Variants in PPP1R3E observed in about 807,000 individuals in gnomAD.
PPP1R3E encodes the protein protein phosphatase 1 regulatory subunit 3E.
Under a neutral mutation model 18.5 loss-of-function variants are expected in PPP1R3E, and 20 were observed. The ratio of observed to expected loss-of-function variants is 1.08; its 90% CI spans 0.76 to 1.58. PPP1R3E has a LOEUF of 1.58. Among genes scored for constraint, PPP1R3E ranks in the 40% most tolerant of loss-of-function variants. PPP1R3E has a pLI of 0.00. For missense variants in PPP1R3E, 498 were observed against 460.2 expected, an observed-to-expected ratio of 1.08 and a Z score of -0.75; for synonymous variants, 208 against 208.1, an observed-to-expected ratio of 1.00 and a Z score of 0.00.
intron 1 of PPP1R3E, 122 bp downstream of exon 1, chr14:23,302,038 A>G: frequency 7.9e-7 from 1 of 1,265,560 alleles, no homozygotes; most frequent in East Asian, 3.0e-5. Context: ...CCCAAAAGGG[A>G]TGGGCAGGCG....
chr14:23,302,741 G>T lies in PPP1R3E; in HGVS notation c.-165C>A. 1.4e-6 allele frequency: 1 copy of T among 690,710 alleles called. No individual in the cohort carries two copies. Among genetic ancestry groups the T allele is most frequent in the Non-Finnish European group, 2.2e-6 (1 of 451,648 alleles). 42.8% of individuals were successfully genotyped at this position (690,710 alleles called of 1,614,324 possible). A position where few individuals can be genotyped will look rare whatever the true frequency, so the allele number is the denominator to read the frequency against. On this transcript the variant is annotated 5_prime_UTR_variant, in exon 1 of 5. Transcript: ENST00000452015. Reference sequence around the variant, plus strand: ...ACACCTCCAGGATCCTCCACCTCCCGTTGCTTTGCCTCTCCTCTGTGACCA... The same window carrying T: ...ACACCTCCAGGATCCTCCACCTCCCTTTGCTTTGCCTCTCCTCTGTGACCA...
rs1471100523 is a variant in PPP1R3E, at chr14:23,301,596, G to A, written c.680C>T (p.Ala227Val). ...RADRFAFRLP[A>V]PPIGGALLFA... ...GAGCAGGGCGCCCCCAATCGGCGGC[G>A]CGGGCAGGCGGAAGGCGAAGCGGTC... is the stretch of plus-strand genomic sequence containing the variant. The change falls in exon 2 of 5, where the codon GCG (alanine) becomes GTG (valine). Residue 227 changes from alanine to valine, a missense_variant. By Grantham distance (64) the Ala-to-Val change is moderately conservative. Coordinates refer to ENST00000452015, the MANE Select transcript of PPP1R3E (RefSeq NM_001276318.2). 6.9e-7 allele frequency: 1 copy of A among 1,442,608 alleles called. No homozygotes were observed. Among genetic ancestry groups the A allele is most frequent in the Non-Finnish European group, 9.1e-7 (1 of 1,099,112 alleles). The allele number at this position is 1,442,608 out of a possible 1,614,324, so 89.4% of individuals were successfully genotyped here.
At position 23,301,589 on chromosome 14, in the gene PPP1R3E, C is replaced by G. The variant is rs754862629; in HGVS notation, c.687G>C (p.Pro229=). ...AGGCGAAGAGCAGGGCGCCCCCAAT[C>G]GGCGGCGCGGGCAGGCGGAAGGCGA... ...DRFAFRLPAP[P]IGGALLFALR... Residue 229 remains proline, a synonymous_variant, in exon 2 of 5, where the codon CCG becomes CCC. Coordinates refer to ENST00000452015, the MANE Select transcript of PPP1R3E (RefSeq NM_001276318.2). The G allele has an allele frequency of 1.2e-4, 169 of 1,446,896 alleles. No individual in the cohort carries two copies. The highest frequency in any genetic ancestry group is 1.5e-4 in the Non-Finnish European group (163 of 1,101,636). The allele number at this position is 1,446,896 out of a possible 1,614,324, so 89.6% of individuals were successfully genotyped here.
At chr14:23,300,506 G>A (rs1258743351) in intron 3 of PPP1R3E, 4 of 152,168 alleles carry the variant, frequency 2.6e-5, no homozygotes, top group Non-Finnish European at 5.9e-5. Flanking sequence ...AGCTAGTCAG[G>A]GACTTCCTCT....
rs1357531916 is a variant in PPP1R3E, at chr14:23,295,789, T to A, written c.*3515A>T. ...TAATAATTTAAGCAAACTTATTAAA[T>A]TTTTCTGGACACACACACACAAAAA... is the stretch of plus-strand genomic sequence containing the variant. On this transcript the variant is annotated 3_prime_UTR_variant, in exon 5 of 5. Coordinates refer to ENST00000452015, the MANE Select transcript of PPP1R3E (RefSeq NM_001276318.2). The A allele has an allele frequency of 6.4e-6, 1 of 156,382 alleles. No homozygotes were observed. The highest frequency in any genetic ancestry group is 2.4e-5 in the African/African-American group (1 of 41,550). 9.7% of individuals were successfully genotyped at this position (156,382 alleles called of 1,614,324 possible).
At position 23,301,430 on chromosome 14, in the gene PPP1R3E, C is replaced by A. The variant is rs1887031473; in HGVS notation, c.*6G>T. The A allele has an allele frequency of 7.1e-7, 1 of 1,405,380 alleles. No homozygotes were observed. Among genetic ancestry groups the A allele is most frequent in the Non-Finnish European group, 9.2e-7 (1 of 1,081,792 alleles). 87.1% of individuals were successfully genotyped at this position (1,405,380 alleles called of 1,614,324 possible). A position where few individuals can be genotyped will look rare whatever the true frequency, so the allele number is the denominator to read the frequency against. Reference sequence around the variant, plus strand: ...GTTTTCCGCCGTCGGCCGCAGGCGCCTCGTCTCAGATAAAGTGGATCCAGC... The same window carrying A: ...GTTTTCCGCCGTCGGCCGCAGGCGCATCGTCTCAGATAAAGTGGATCCAGC... On this transcript the variant is annotated 3_prime_UTR_variant, in exon 2 of 5. Coordinates refer to ENST00000452015, the MANE Select transcript of PPP1R3E (RefSeq NM_001276318.2).
In PPP1R3E at chr14:23,301,550, C is replaced by A; in HGVS notation, c.726G>T (p.Val242=). 1.3e-6 allele frequency: 2 copies of A among 1,496,168 alleles called. No homozygotes were observed. Among genetic ancestry groups the A allele is most frequent in the South Asian group, 2.5e-5 (2 of 80,456 alleles). The allele number at this position is 1,496,168 out of a possible 1,614,324, so 92.7% of individuals were successfully genotyped here. A position where few individuals can be genotyped will look rare whatever the true frequency, so the allele number is the denominator to read the frequency against. Residue 242 remains valine (V), a synonymous_variant, in exon 2 of 5, where the codon GTG becomes GTT. Transcript: ENST00000452015. ...TGTTGTCCCAGAACTCGTGACCTGT[C>A]ACACGGTAGCGCAAGGCGAAGAGCA... ...GALLFALRYR[V]TGHEFWDNNG...
chr14:23,299,927 G>GTTTTTTTTTTTTTTTT lies in PPP1R3E; in HGVS notation c.*246-402_*246-387dup, dbSNP rs3079707. On this transcript the variant is annotated intron_variant, in intron 3 of 4. Transcript: ENST00000452015. ...GTTGCTTTGGTGTTTTTTTGTTTTTGTTTTTTTTTTTTTTTTTTTTTTACA... is the reference window on the plus strand; with the variant it reads ...GTTGCTTTGGTGTTTTTTTGTTTTTGTTTTTTTTTTTTTTTTTTTTTTTTTTTTTTTTTTTTTTACA... Among the ~76,000 whole-genome samples the GTTTTTTTTTTTTTTTT allele has an allele frequency of 1.7e-3, 167 of 100,596 alleles. 9 individuals are homozygous for GTTTTTTTTTTTTTTTT. Among genetic ancestry groups the GTTTTTTTTTTTTTTTT allele is most frequent in the East Asian group, 4.1e-3 (11 of 2,690 alleles). The allele number at this position is 100,596 out of a possible 152,430, so 66.0% of individuals were successfully genotyped here.
chr14:23,300,704 T>C (rs1410924840), intron 3 of PPP1R3E, 54 bp downstream of exon 3: 1 of 152,258 alleles, frequency 6.6e-6, no homozygotes, highest in Non-Finnish European at 1.5e-5. Flanking sequence ...GGAGTTGCTT[T>C]GGCCTCCGTT....
chr14:23,302,436 C>G lies in PPP1R3E; in HGVS notation c.141G>C (p.Thr47=). The change falls in exon 1 of 5, where the codon ACG becomes ACC. Residue 47 remains threonine (T), a synonymous_variant. Transcript: ENST00000452015. The stretch of plus-strand genomic sequence containing the variant: ...GAGCGCGGGATCGGGCCCCGAACCG[C>G]GTCCCGCCCTCGCCTGGCTCCTCCT... ...EPEEEPGEGG[T]RFGARSRAHA... is the part of the protein sequence containing the mutation. The G allele has an allele frequency of 6.7e-7, 1 of 1,501,064 alleles. No homozygotes were observed. The highest frequency in any genetic ancestry group is 8.8e-7 in the Non-Finnish European group (1 of 1,134,172). The allele number at this position is 1,501,064 out of a possible 1,614,324, so 93.0% of individuals were successfully genotyped here.
In PPP1R3E at chr14:23,301,542, T is replaced by C. The variant is rs1458807333; in HGVS notation, c.734A>G (p.His245Arg). The C allele has an allele frequency of 1.1e-5, 16 of 1,499,046 alleles. No individual in the cohort carries two copies. The highest frequency in any genetic ancestry group is 2.1e-5 in the Admixed American group (1 of 47,060). The allele number at this position is 1,499,046 out of a possible 1,614,324, so 92.9% of individuals were successfully genotyped here. A position where few individuals can be genotyped will look rare whatever the true frequency, so the allele number is the denominator to read the frequency against. ...GCCGCCGTTGTTGTCCCAGAACTCG[T>C]GACCTGTCACACGGTAGCGCAAGGC... ...LFALRYRVTG[H>R]EFWDNNGGRD... Residue 245 changes from histidine (H) to arginine (R), a missense_variant, in exon 2 of 5, where the codon CAC (histidine) becomes CGC (arginine). His to Arg is a conservative substitution (Grantham distance 29, BLOSUM62 0). Coordinates refer to ENST00000452015, the MANE Select transcript of PPP1R3E (RefSeq NM_001276318.2).
Position 23,301,423 on chromosome 14 carries a change from C to A in PPP1R3E, c.*13G>T. 7.2e-7 allele frequency: 1 copy of A among 1,383,528 alleles called. No homozygotes were observed. The allele number at this position is 1,383,528 out of a possible 1,614,324, so 85.7% of individuals were successfully genotyped here. ...CTTTGGTGTTTTCCGCCGTCGGCCG[C>A]AGGCGCCTCGTCTCAGATAAAGTGG... On this transcript the variant is annotated 3_prime_UTR_variant, in exon 2 of 5. Coordinates refer to ENST00000452015, the MANE Select transcript of PPP1R3E (RefSeq NM_001276318.2).
intron 3 of PPP1R3E, chr14:23,299,982 T>A (rs2138409380): frequency 6.6e-6 from 1 of 150,662 alleles, no homozygotes; most frequent in African/African-American, 2.4e-5. Flanking sequence ...ATGCTTTGAT[T>A]CTTCATTTGA....
At chr14:23,299,043 T>G (rs1429226347) in intron 4 of PPP1R3E, 126 bp from the exon 5 acceptor site, 1 of 152,952 alleles carries the variant, frequency 6.5e-6, no homozygotes, top group Admixed American at 6.5e-5. Context: ...CTCAGCTCAC[T>G]GCAACCTCTG....
intron 1 of PPP1R3E, 133 bp downstream of exon 1, chr14:23,302,026 TC>T (rs1422277936): frequency 8.0e-7 from 1 of 1,242,522 alleles, no homozygotes; most frequent in African/African-American, 1.6e-5. Flanking sequence ...GCAGATGGGG[TC>T]CCCAAAAGGG....
chr14:23,299,450 C>T lies in PPP1R3E; in HGVS notation c.*337G>A, dbSNP rs1187659067. On this transcript the variant is annotated 3_prime_UTR_variant, in exon 4 of 5. Transcript: ENST00000452015. Reference sequence around the variant, plus strand: ...ACATCAGGAACTGCTTCTTTTCCTCCTTCTCTCTTCTAGAAGACTGTCAAG... The same window carrying T: ...ACATCAGGAACTGCTTCTTTTCCTCTTTCTCTCTTCTAGAAGACTGTCAAG... 1.9e-5 allele frequency: 3 copies of T among 154,120 alleles called. No homozygotes were observed. Among genetic ancestry groups the T allele is most frequent in the African/African-American group, 7.2e-5 (3 of 41,488 alleles). 9.5% of individuals were successfully genotyped at this position (154,120 alleles called of 1,614,324 possible). A position where few individuals can be genotyped will look rare whatever the true frequency, so the allele number is the denominator to read the frequency against.
chr14:23,302,168 C>A lies in PPP1R3E; in HGVS notation c.409G>T (p.Gly137Cys). The change falls in exon 1 of 5, where the codon GGC becomes TGC. Residue 137 changes from glycine to cysteine, a missense_variant. Gly to Cys is a radical substitution (Grantham distance 159). Transcript: ENST00000452015. ...HFAPCQPRAR[G>C]LQEARAALEP... ...GTGCCCCCGCCGCCTACCTGGAGGCCGCGGGCGCGGGGCTGGCAGGGCGCG... is the reference window on the plus strand; with the variant it reads ...GTGCCCCCGCCGCCTACCTGGAGGCAGCGGGCGCGGGGCTGGCAGGGCGCG... The A allele has an allele frequency of 7.1e-7, 1 of 1,411,018 alleles. No homozygotes were observed. Among genetic ancestry groups the A allele is most frequent in the South Asian group, 1.5e-5 (1 of 66,238 alleles). The allele number at this position is 1,411,018 out of a possible 1,614,324, so 87.4% of individuals were successfully genotyped here.
chr14:23,302,286 C>T lies in PPP1R3E; in HGVS notation c.291G>A (p.Glu97=). Residue 97 remains glutamate (E), a synonymous_variant, in exon 1 of 5, where the codon GAG becomes GAA. Transcript: ENST00000452015. ...RVRFADALGL[E]LAVVRRFRPG... ...GACGGAAGCGGCGCACGACAGCCAG[C>T]TCCAACCCCAGTGCGTCGGCGAAAC... The T allele has an allele frequency of 2.0e-6, 3 of 1,521,662 alleles. No homozygotes were observed. The highest frequency in any genetic ancestry group is 2.6e-6 in the Non-Finnish European group (3 of 1,142,194). 94.3% of individuals were successfully genotyped at this position (1,521,662 alleles called of 1,614,324 possible).
rs1376152218 is a variant in PPP1R3E, at chr14:23,298,805, T to C, written c.*499A>G. The C allele has an allele frequency of 6.5e-6, 1 of 154,382 alleles. No individual in the cohort carries two copies. Among genetic ancestry groups the C allele is most frequent in the African/African-American group, 2.4e-5 (1 of 41,504 alleles). 9.6% of individuals were successfully genotyped at this position (154,382 alleles called of 1,614,324 possible). A position where few individuals can be genotyped will look rare whatever the true frequency, so the allele number is the denominator to read the frequency against. On this transcript the variant is annotated 3_prime_UTR_variant, in exon 5 of 5. Transcript: ENST00000452015. ...AACTGAAGGTGATCCACATGGTACA[T>C]GACATTCTTCCTGTTTTCTTCACAA...
Sources: gnomAD v4.1 joint callset for allele counts (sites outside exome capture counted in the v4.1 genomes callset) on GRCh38, gnomAD v4.1.1 for gene constraint, MANE v1.5 for transcripts, NCBI Gene and HGNC (gene_info 2026-07-23, HGNC 2026-07-21) for gene names.